Variants in ZNF385D observed in about 807,000 individuals in gnomAD.
The protein encoded by ZNF385D is zinc finger protein 385D, also known as zinc finger protein 659.
In ZNF385D, 15 loss-of-function variants were observed where a neutral mutation model predicts 35.8. The ratio of observed to expected loss-of-function variants is 0.42; its 90% CI spans 0.28 to 0.64. The LOEUF (loss-of-function observed/expected upper bound fraction) is 0.64, where lower values mean the gene tolerates loss of function less well. ZNF385D is among the 30% of genes least tolerant of loss of function. The pLI is 0.23. For missense variants in ZNF385D, 474 were observed against 494.6 expected (o/e 0.96, Z 0.39); for synonymous variants, 212 against 186.8 (o/e 1.13, Z -1.10).
At chr3:21,617,771 TACGATGTTTGAG>T (rs2064890737) in intron 2 of ZNF385D, among the ~76,000 whole-genome samples, 1 of 152,180 alleles carries the variant, frequency 6.6e-6, no homozygotes, top group African/African-American at 2.4e-5. Context: ...GTGCCCTTGG[TACGATGTTTGAG>T]ACTGCATGGT....
chr3:21,818,046 G>T (rs1012210642), intron 3 of ZNF385D, among the ~76,000 whole-genome samples: 1 of 152,144 alleles, frequency 6.6e-6, no homozygotes, highest in Non-Finnish European at 1.5e-5. Flanking sequence ...GATGAAGCTG[G>T]AAACCATCAT....
intron 2 of ZNF385D, among the ~76,000 whole-genome samples, chr3:22,301,332 G>C (rs1702890109): frequency 6.6e-6 from 1 of 151,946 alleles, no homozygotes; most frequent in Non-Finnish European, 1.5e-5. Context: ...CAAGATTTCA[G>C]TTACATAAGA....
chr3:21,799,560 A>T (rs1262453808), intron 3 of ZNF385D, among the ~76,000 whole-genome samples: 1 of 152,016 alleles, frequency 6.6e-6, no homozygotes, highest in African/African-American at 2.4e-5. Flanking sequence ...GTGGCCATTT[A>T]TATATCTTCT....
chr3:21,515,744 G>A (rs1431111675), intron 3 of ZNF385D, among the ~76,000 whole-genome samples: 1 of 152,138 alleles, frequency 6.6e-6, no homozygotes, highest in Non-Finnish European at 1.5e-5. Flanking sequence ...TCCTAAAATT[G>A]ATCCCCACCT....
chr3:22,333,886 T>C (rs922993154), intron 2 of ZNF385D, among the ~76,000 whole-genome samples: 4 of 152,178 alleles, frequency 2.6e-5, no homozygotes, highest in African/African-American at 7.2e-5. Flanking sequence ...GTACTATATA[T>C]TCTGGTCTTA....
At chr3:21,983,391 A>T (rs1694620938) in intron 3 of ZNF385D, among the ~76,000 whole-genome samples, 1 of 101,442 alleles carries the variant, frequency 9.9e-6, no homozygotes, top group Non-Finnish European at 1.9e-5. Flanking sequence ...TTCAATTCCC[A>T]CCTATGAGTG....
Position 21,751,067 on chromosome 3 carries a change from G to C in ZNF385D, c.-151C>G, listed in dbSNP as rs1195506293. The stretch of plus-strand genomic sequence containing the variant: ...CGCCGAGAGCGTGCCTCCTCCGCGG[G>C]ATGAGCGCCTTGCAGGCTGCCTTTC... On this transcript the variant is annotated 5_prime_UTR_variant, in exon 1 of 8. It adds an upstream start codon to the 5' untranslated region. Coordinates refer to ENST00000281523, the MANE Select transcript of ZNF385D (RefSeq NM_024697.3). 70 of 1,520,800 alleles carry C rather than the reference G, an allele frequency of 4.6e-5. No homozygotes were observed. Among genetic ancestry groups the C allele is most frequent in the Admixed American group, 1.3e-4 (6 of 47,642 alleles). The allele number at this position is 1,520,800 out of a possible 1,614,324, so 94.2% of individuals were successfully genotyped here. A position where few individuals can be genotyped will look rare whatever the true frequency, so the allele number is the denominator to read the frequency against.
chr3:21,757,256 C>G (rs1161883534), intron 3 of ZNF385D, among the ~76,000 whole-genome samples: 1 of 151,446 alleles, frequency 6.6e-6, no homozygotes, highest in African/African-American at 2.4e-5. Flanking sequence ...CTCAGCCTCA[C>G]TATAGTCACA....
At chr3:21,589,145 T>C (rs1392551941) in intron 2 of ZNF385D, among the ~76,000 whole-genome samples, 2 of 152,110 alleles carry the variant, frequency 1.3e-5, no homozygotes, top group Admixed American at 6.5e-5. Flanking sequence ...TGGAAAAGTA[T>C]TGAATTTTAG....
intron 3 of ZNF385D, among the ~76,000 whole-genome samples, chr3:22,136,366 C>G (rs1050310160): frequency 6.8e-6 from 1 of 147,552 alleles, no homozygotes; most frequent in Non-Finnish European, 1.5e-5. Flanking sequence ...TCCGCCTGGG[C>G]GACAAAGTGA....
chr3:21,469,506 G>A (rs1703747500), intron 4 of ZNF385D, among the ~76,000 whole-genome samples: 2 of 152,098 alleles, frequency 1.3e-5, no homozygotes, highest in Non-Finnish European at 2.9e-5. Context: ...TTTAGGGAGT[G>A]CGAAAACAAG....
At chr3:22,145,358 T>A (rs1704785795) in intron 3 of ZNF385D, among the ~76,000 whole-genome samples, 1 of 152,226 alleles carries the variant, frequency 6.6e-6, no homozygotes, top group Non-Finnish European at 1.5e-5. Context: ...TGCCTAAGCT[T>A]ATACAGCCTG....
chr3:21,778,937 G>T (rs1411377348), intron 3 of ZNF385D, among the ~76,000 whole-genome samples: 2 of 151,958 alleles, frequency 1.3e-5, no homozygotes, highest in African/African-American at 4.8e-5. Flanking sequence ...CTTTTCTAAA[G>T]ACAACAAACC....
At chr3:21,914,533 T>C (rs1205598183) in intron 3 of ZNF385D, among the ~76,000 whole-genome samples, 1 of 152,024 alleles carries the variant, frequency 6.6e-6, no homozygotes, top group Non-Finnish European at 1.5e-5. Context: ...ATTCAGTCCC[T>C]AGATGAGCAA....
rs1024702010 is a variant in ZNF385D at position 21,916,949 on chromosome 3, C to T, written c.325+251868G>A. Among the ~76,000 whole-genome samples the T allele has an allele frequency of 2.4e-4, 36 of 152,154 alleles. 1 individual carries two copies. Among genetic ancestry groups the T allele is most frequent in the Admixed American group, 5.9e-4 (9 of 15,274 alleles). ...GTATGTCGATTAGCGTTAGCTCCCC[C>T]ACACTCCCACTGCTGCTGGTTGTTA... On this transcript the variant is annotated intron_variant, in intron 3 of 5. Transcript: ENST00000494108.
intron 3 of ZNF385D, among the ~76,000 whole-genome samples, chr3:21,527,270 A>G (rs571330995): frequency 6.6e-6 from 1 of 152,330 alleles, no homozygotes; most frequent in Admixed American, 6.5e-5. Context: ...CACTGTCTTC[A>G]ACATTTCTTC....
chr3:21,467,323 T>G (rs774791156), intron 4 of ZNF385D, among the ~76,000 whole-genome samples: 3 of 152,176 alleles, frequency 2.0e-5, no homozygotes, highest in African/African-American at 4.8e-5. Context: ...TAGAAAATAT[T>G]TTAGATACGG....
chr3:22,312,747 A>T (rs1351276047), intron 2 of ZNF385D, among the ~76,000 whole-genome samples: 1 of 149,482 alleles, frequency 6.7e-6, no homozygotes, highest in South Asian at 2.2e-4. Flanking sequence ...AAAAGTCAGG[A>T]AACAACAGGT....
chr3:22,329,033 C>T (rs1310291132), intron 2 of ZNF385D, among the ~76,000 whole-genome samples: 1 of 146,984 alleles, frequency 6.8e-6, no homozygotes, highest in Non-Finnish European at 1.5e-5. Flanking sequence ...GCCGAGATCG[C>T]GCCACTGCAC....
Sources: gnomAD v4.1 joint callset for allele counts (sites outside exome capture counted in the v4.1 genomes callset) on GRCh38, gnomAD v4.1.1 for gene constraint, MANE v1.5 for transcripts, NCBI Gene and HGNC (gene_info 2026-07-23, HGNC 2026-07-21) for gene names.